ROBO2: variants seen among roughly 807,000 people sequenced by gnomAD.
ROBO2 encodes the protein roundabout guidance receptor 2.
Under a neutral mutation model 160.8 loss-of-function variants are expected in ROBO2, and 53 were observed. The observed-to-expected ratio is 0.33, with a 90% CI of 0.26 to 0.41. The LOEUF (loss-of-function observed/expected upper bound fraction) is 0.41. ROBO2 is among the 10% of genes least tolerant of loss of function. ROBO2 has a pLI of 1.00. For missense variants in ROBO2, 1,577 were observed against 1,722.4 expected, an observed-to-expected ratio of 0.92 and a Z score of 1.49; for synonymous variants, 664 against 611.7, an observed-to-expected ratio of 1.09 and a Z score of -1.26.
At chr3:76,321,454 T>C (rs1431077648) in intron 2 of ROBO2, among the ~76,000 whole-genome samples, 1 of 151,950 alleles carries the variant, frequency 6.6e-6, no homozygotes, top group Non-Finnish European at 1.5e-5. Flanking sequence ...AGTAAGATCA[T>C]GCCACTGCAC....
intron 2 of ROBO2, among the ~76,000 whole-genome samples, chr3:76,044,589 T>A (rs1417167449): frequency 6.6e-6 from 1 of 151,950 alleles, no homozygotes; most frequent in Non-Finnish European, 1.5e-5. Context: ...AACACATAGC[T>A]TTTGTTTCTA....
chr3:77,594,812 A>AAATTCAC (rs2094260188), intron 17 of ROBO2, among the ~76,000 whole-genome samples: 1 of 152,180 alleles, frequency 6.6e-6, no homozygotes, highest in African/African-American at 2.4e-5. Context: ...TTGATTTGAT[A>AAATTCAC]AATTCACAAT....
intron 2 of ROBO2, among the ~76,000 whole-genome samples, chr3:76,084,592 C>T (rs1243315494): frequency 1.3e-5 from 2 of 152,032 alleles, no homozygotes; most frequent in Admixed American, 6.6e-5. Flanking sequence ...TGTACTGACC[C>T]GAATTTGGCT....
intron 2 of ROBO2, among the ~76,000 whole-genome samples, chr3:75,944,373 C>G (rs1377038723): frequency 1.3e-5 from 2 of 152,150 alleles, no homozygotes; most frequent in African/African-American, 4.8e-5. Flanking sequence ...TTGTTCCTTT[C>G]TAACACTTCA....
Position 76,291,590 on chromosome 3 carries a change from C to G in ROBO2, c.109+353988C>G, listed in dbSNP as rs138880234. 9.1e-3 allele frequency among the ~76,000 whole-genome samples: 1,384 copies of G among 152,044 alleles called. 16 individuals carry two copies. The highest frequency in any genetic ancestry group is 0.012 in the Non-Finnish European group (828 of 67,962). ...TTTGGGTTGGTTTGCTCTTGTTTTT[C>G]TAGTTCTTCTAGAGGCGATGTTAGG... On this transcript the variant is annotated intron_variant, in intron 2 of 26. Transcript: ENST00000487694.
chr3:76,971,178 A>G (rs2059554603), intron 2 of ROBO2, among the ~76,000 whole-genome samples: 1 of 152,166 alleles, frequency 6.6e-6, no homozygotes, highest in Non-Finnish European at 1.5e-5. Context: ...ATAAAGAACA[A>G]CAAAAGCCCA....
intron 2 of ROBO2, among the ~76,000 whole-genome samples, chr3:76,356,168 A>G (rs910987143): frequency 5.3e-5 from 8 of 151,740 alleles, no homozygotes. Flanking sequence ...AGAACAATAC[A>G]TAAACATGAC....
intron 2 of ROBO2, among the ~76,000 whole-genome samples, chr3:77,258,192 G>A (rs1263587946): frequency 6.6e-6 from 1 of 152,232 alleles, no homozygotes; most frequent in African/African-American, 2.4e-5. Flanking sequence ...GGCGCATGTA[G>A]TTCAGATTCA....
intron 2 of ROBO2, among the ~76,000 whole-genome samples, chr3:76,663,867 G>C (rs2091920649): frequency 6.6e-6 from 1 of 151,668 alleles, no homozygotes; most frequent in African/African-American, 2.4e-5. Flanking sequence ...TTGCGCCACT[G>C]CACTTCTGCC....
At chr3:77,167,547 A>T (rs2079208309) in intron 2 of ROBO2, among the ~76,000 whole-genome samples, 1 of 152,206 alleles carries the variant, frequency 6.6e-6, no homozygotes, top group Non-Finnish European at 1.5e-5. Flanking sequence ...CTGGGGTGGC[A>T]GTTAAACCCA....
At chr3:76,013,977 T>C (rs2066302659) in intron 2 of ROBO2, among the ~76,000 whole-genome samples, 1 of 151,688 alleles carries the variant, frequency 6.6e-6, no homozygotes, top group African/African-American at 2.4e-5. Flanking sequence ...GTAATATGTA[T>C]AAAGGCATTT....
chr3:76,508,353 T>A (rs757967134), intron 2 of ROBO2, among the ~76,000 whole-genome samples: 3 of 152,150 alleles, frequency 2.0e-5, no homozygotes, highest in Non-Finnish European at 2.9e-5. Flanking sequence ...TAATTGAATT[T>A]CCCTATTTGT....
At chr3:76,493,495 G>T (rs1424692174) in intron 2 of ROBO2, among the ~76,000 whole-genome samples, 1 of 151,502 alleles carries the variant, frequency 6.6e-6, no homozygotes, top group East Asian at 1.9e-4. Context: ...AGTCTTGTTT[G>T]TCCATATCCA....
At chr3:77,637,735 G>A (rs930145193) in intron 24 of ROBO2, among the ~76,000 whole-genome samples, 1 of 152,076 alleles carries the variant, frequency 6.6e-6, no homozygotes, top group Non-Finnish European at 1.5e-5. Context: ...ATTTTCTGTG[G>A]TTTTTCAGAA....
Position 77,642,653 on chromosome 3 carries a change from A to G in ROBO2, c.3935-2051A>G. The G allele has an allele frequency of 2.2e-6, 1 of 451,674 alleles. No individual in the cohort carries two copies. Among genetic ancestry groups the G allele is most frequent in the Non-Finnish European group, 4.4e-6 (1 of 225,594 alleles). The allele number at this position is 451,674 out of a possible 1,614,324, so 28.0% of individuals were successfully genotyped here. On this transcript the variant is annotated intron_variant, in intron 24 of 25. Transcript: ENST00000461745. Reference sequence around the variant, plus strand: ...CATTAAATTTTAGTCCATTCTAAACATTATTCAAAATTTTTAGATCTTCCA... The same window carrying G: ...CATTAAATTTTAGTCCATTCTAAACGTTATTCAAAATTTTTAGATCTTCCA...
Position 77,084,575 on chromosome 3 carries a change from A to G in ROBO2, c.62-13439A>G, listed in dbSNP as rs556189449. Among the ~76,000 whole-genome samples the G allele has an allele frequency of 4.6e-5, 7 of 152,234 alleles. No individual in the cohort carries two copies. In the East Asian group the frequency reaches 9.7e-4, roughly 21 times the overall value. ...CTCTTGTGCTTTGTGACAAGAAAGCATTGCATTTCGAGAGTGGCTGGAAGG... is the reference window on the plus strand; with the variant it reads ...CTCTTGTGCTTTGTGACAAGAAAGCGTTGCATTTCGAGAGTGGCTGGAAGG... On this transcript the variant is annotated intron_variant, in intron 1 of 25. Coordinates refer to ENST00000461745, the Ensembl canonical transcript of ROBO2.
chr3:77,541,028 A>G (rs963860670), intron 6 of ROBO2, among the ~76,000 whole-genome samples: 4 of 152,220 alleles, frequency 2.6e-5, no homozygotes, highest in Non-Finnish European at 5.9e-5. Flanking sequence ...ACAAGTAAAT[A>G]TATGAAATAG....
chr3:76,614,868 G>T (rs879546266), intron 2 of ROBO2, among the ~76,000 whole-genome samples: 18 of 151,954 alleles, frequency 1.2e-4, no homozygotes, highest in Admixed American at 1.1e-3. Flanking sequence ...GAAACAAATC[G>T]GGGTGACATA....
At chr3:76,769,427 T>G (rs956408663) in intron 2 of ROBO2, among the ~76,000 whole-genome samples, 5 of 151,352 alleles carry the variant, frequency 3.3e-5, no homozygotes, top group African/African-American at 1.2e-4. Flanking sequence ...GTAGGTTAAC[T>G]TATCTTGGTC....
Sources: allele counts gnomAD v4.1 joint callset (sites outside exome capture counted in the v4.1 genomes callset), GRCh38; gene constraint gnomAD v4.1.1; transcripts MANE v1.5; gene names NCBI Gene and HGNC (gene_info 2026-07-23, HGNC 2026-07-21).